The following MOB1B variants were observed in gnomAD, a reference collection of about 807,000 sequenced individuals.
MOB1B encodes the protein MOB kinase activator 1B, also known as MOB1 Mps One Binder homolog B.
MOB1B carries 19 observed loss-of-function variants against 24.4 expected under a neutral mutation model. That is an observed-to-expected ratio of 0.78 (90% CI 0.54 to 1.14). The LOEUF (loss-of-function observed/expected upper bound fraction) is 1.14, where lower values mean the gene tolerates loss of function less well. MOB1B is among the 50% of genes most tolerant of loss of function. MOB1B has a pLI of 0.00. For synonymous variants in MOB1B, 76 were observed against 82.1 expected, an observed-to-expected ratio of 0.93 and a Z score of 0.40; for missense variants, 243 against 259.6, an observed-to-expected ratio of 0.94 and a Z score of 0.44.
At chr4:70,914,855 C>G (rs558590270) in intron 1 of MOB1B, among the ~76,000 whole-genome samples, 2 of 152,328 alleles carry the variant, frequency 1.3e-5, no homozygotes, top group African/African-American at 4.8e-5. Flanking sequence ...GCCCCACCTC[C>G]TCTCCTTGGG....
rs1481112778 is a variant in MOB1B, at chr4:70,984,445, G to C, written c.*2388G>C. 1 of 152,128 alleles carries C rather than the reference G, an allele frequency of 6.6e-6. No individual in the cohort carries two copies. Among genetic ancestry groups the C allele is most frequent in the Admixed American group, 6.6e-5 (1 of 15,264 alleles). 9.4% of individuals were successfully genotyped at this position (152,128 alleles called of 1,614,324 possible). On this transcript the variant is annotated 3_prime_UTR_variant, in exon 6 of 6. Transcript: ENST00000309395. ...TGCCCTTTTAAATATAAGGATCAGT[G>C]CTTTGTTCTGCAGCAGAGTTTGCTG...
chr4:70,964,203 CAGAT>C (rs1011604839), intron 2 of MOB1B, among the ~76,000 whole-genome samples: 8 of 152,056 alleles, frequency 5.3e-5, no homozygotes, highest in Admixed American at 2.0e-4. Context: ...CTTTCAGTAA[CAGAT>C]AGAAAGTGCA....
chr4:70,924,508 G>A (rs995486493), intron 1 of MOB1B, among the ~76,000 whole-genome samples: 2 of 152,104 alleles, frequency 1.3e-5, no homozygotes, highest in African/African-American at 4.8e-5. Flanking sequence ...TATACTTTAA[G>A]TTCTAGGGTA....
chr4:70,961,803 C>G (rs1484592415), intron 2 of MOB1B, among the ~76,000 whole-genome samples: 1 of 152,084 alleles, frequency 6.6e-6, no homozygotes, highest in African/African-American at 2.4e-5. Context: ...GGCAGTGATT[C>G]AGTAAACATT....
rs1172416136 is a variant in MOB1B at position 70,983,764 on chromosome 4, C to T, written c.*1707C>T. 6.6e-6 allele frequency: 1 copy of T among 152,556 alleles called. No individual in the cohort carries two copies. Among genetic ancestry groups the T allele is most frequent in the African/African-American group, 2.4e-5 (1 of 41,430 alleles). 9.5% of individuals were successfully genotyped at this position (152,556 alleles called of 1,614,324 possible). A position where few individuals can be genotyped will look rare whatever the true frequency, so the allele number is the denominator to read the frequency against. On this transcript the variant is annotated 3_prime_UTR_variant, in exon 6 of 6. Coordinates refer to ENST00000309395, the MANE Select transcript of MOB1B (RefSeq NM_173468.4). ...TGACTAGAAACTGCCTTTTTCTCCACTTCATTTCTAGCAATTATTTACCAA... is the reference window on the plus strand; with the variant it reads ...TGACTAGAAACTGCCTTTTTCTCCATTTCATTTCTAGCAATTATTTACCAA...
chr4:70,975,235 A>C lies in MOB1B; in HGVS notation c.358A>C (p.Thr120Pro). ...SAPKYIDYLM[T>P]WVQDQLDDET... is the part of the protein sequence containing the mutation. Reference sequence around the variant, plus strand: ...ACCAAAGTATATTGATTACTTGATGACTTGGGTTCAGGACCAGTTGGATGA... The same window carrying C: ...ACCAAAGTATATTGATTACTTGATGCCTTGGGTTCAGGACCAGTTGGATGA... Residue 120 changes from threonine to proline, a missense_variant, in exon 4 of 6, where the codon ACT becomes CCT. By Grantham distance (38) the Thr-to-Pro change is conservative. Transcript: ENST00000309395. The C allele has an allele frequency of 6.2e-7, 1 of 1,613,752 alleles. No individual in the cohort carries two copies. Among genetic ancestry groups the C allele is most frequent in the Non-Finnish European group, 8.5e-7 (1 of 1,179,848 alleles).
intron 1 of MOB1B, among the ~76,000 whole-genome samples, chr4:70,929,838 G>C (rs1440773432): frequency 1.3e-5 from 2 of 151,924 alleles, no homozygotes; most frequent in African/African-American, 4.8e-5. Flanking sequence ...GTAGAGACGG[G>C]GTTTCGCCGT....
At chr4:70,917,363 C>G (rs553417622) in intron 1 of MOB1B, among the ~76,000 whole-genome samples, 1 of 152,284 alleles carries the variant, frequency 6.6e-6, no homozygotes, top group Non-Finnish European at 1.5e-5. Flanking sequence ...GAAAAACATT[C>G]AAAGATAAGA....
chr4:70,933,289 C>T (rs1036920937), intron 1 of MOB1B, among the ~76,000 whole-genome samples: 1 of 152,128 alleles, frequency 6.6e-6, no homozygotes, highest in Non-Finnish European at 1.5e-5. Flanking sequence ...TCCTCCAACA[C>T]TAAGACATGA....
chr4:70,915,515 C>T (rs1736161847), intron 1 of MOB1B, among the ~76,000 whole-genome samples: 1 of 152,126 alleles, frequency 6.6e-6, no homozygotes, highest in African/African-American at 2.4e-5. Context: ...TAGAGGATTC[C>T]ATTAGTTACT....
intron 1 of MOB1B, among the ~76,000 whole-genome samples, chr4:70,914,274 G>A (rs554463509): frequency 1.3e-5 from 2 of 152,326 alleles, no homozygotes; most frequent in South Asian, 2.1e-4. Context: ...GTACTTTGTT[G>A]TAACAGCCTA....
intron 3 of MOB1B, among the ~76,000 whole-genome samples, chr4:70,974,718 C>G (rs1309514414): frequency 2.0e-5 from 3 of 152,156 alleles, no homozygotes; most frequent in Non-Finnish European, 4.4e-5. Flanking sequence ...GCTTCTGTGT[C>G]ATTCTCTATC....
rs79819444 is a variant in MOB1B, at chr4:70,981,564, A to G, written c.574-416A>G. The stretch of plus-strand genomic sequence containing the variant: ...TTGTAACCAGGTTTTGGCTTTTCAT[A>G]TAATGCTGAATTTGCCTGAGATGCT... On this transcript the variant is annotated intron_variant, in intron 5 of 5. Transcript: ENST00000309395. Among the ~76,000 whole-genome samples the G allele has an allele frequency of 2.2e-3, 334 of 152,318 alleles. 8 individuals carry two copies. In the East Asian group the frequency reaches 0.056, roughly 25 times the overall value.
intron 3 of MOB1B, 79 bp downstream of exon 3, chr4:70,970,103 A>G: frequency 1.2e-6 from 1 of 813,690 alleles, no homozygotes; most frequent in Middle Eastern, 2.5e-4. Context: ...TTCTGACCAT[A>G]TGATTTTTCT....
chr4:70,939,321 A>G (rs964314937), intron 1 of MOB1B, among the ~76,000 whole-genome samples: 5 of 152,246 alleles, frequency 3.3e-5, no homozygotes, highest in Non-Finnish European at 7.3e-5. Context: ...AAAGAATGAA[A>G]GAGAAAACAA....
chr4:70,929,444 A>G (rs1251892173), intron 1 of MOB1B, among the ~76,000 whole-genome samples: 1 of 151,786 alleles, frequency 6.6e-6, no homozygotes, highest in East Asian at 1.9e-4. Context: ...CTCCCGAAGG[A>G]TTACAGGTGT....
chr4:70,975,221 T>C lies in MOB1B; in HGVS notation c.344T>C (p.Ile115Thr). ...ATTAAGTGCTCTGCACCAAAGTATA[T>C]TGATTACTTGATGACTTGGGTTCAG... is the stretch of plus-strand genomic sequence containing the variant. ...KPIKCSAPKY[I>T]DYLMTWVQDQ... is the part of the protein sequence containing the mutation. The change falls in exon 4 of 6, where the codon ATT becomes ACT. Residue 115 changes from isoleucine (I) to threonine (T), a missense_variant. Physicochemically the swap from Ile to Thr is moderately conservative, Grantham distance 89. Transcript: ENST00000309395. 6.2e-7 allele frequency: 1 copy of C among 1,613,612 alleles called. No homozygotes were observed.
chr4:70,964,259 T>C (rs963403504), intron 2 of MOB1B, among the ~76,000 whole-genome samples: 1 of 152,192 alleles, frequency 6.6e-6, no homozygotes, highest in Non-Finnish European at 1.5e-5. Flanking sequence ...TTGAGCAACA[T>C]GATTAACAGA....
At chr4:70,925,077 T>G (rs1022503103) in intron 1 of MOB1B, among the ~76,000 whole-genome samples, 1 of 152,204 alleles carries the variant, frequency 6.6e-6, no homozygotes, top group Middle Eastern at 3.2e-3. Flanking sequence ...GGAGTCTTGC[T>G]CTGTAACTCA....
Sources: allele counts gnomAD v4.1 joint callset (sites outside exome capture counted in the v4.1 genomes callset), GRCh38; gene constraint gnomAD v4.1.1; transcripts MANE v1.5; gene names NCBI Gene and HGNC (gene_info 2026-07-23, HGNC 2026-07-21).